Variants in CLNK observed in about 807,000 individuals in gnomAD.
The protein encoded by CLNK is cytokine-dependent hematopoietic cell linker.
In CLNK, 74 loss-of-function variants were observed where a neutral mutation model predicts 68.6. That is an observed-to-expected ratio of 1.08 (90% CI 0.89 to 1.31). CLNK has a LOEUF of 1.31. Among genes scored for constraint, CLNK ranks in the 50% most tolerant of loss-of-function variants. The pLI, the probability that CLNK is intolerant of heterozygous loss-of-function variation, is 0.00. For synonymous variants in CLNK, 198 were observed against 172.2 expected, an observed-to-expected ratio of 1.15 and a Z score of -1.17; for missense variants, 553 against 515.3, an observed-to-expected ratio of 1.07 and a Z score of -0.71.
At chr4:10,730,371 C>T in the CLNK span, among the ~76,000 whole-genome samples, 2 of 152,174 alleles carry the variant, frequency 1.3e-5, no homozygotes, top group East Asian at 1.9e-4. Context: ...ATTGTCAAGT[C>T]GTACTGATTG....
In CLNK at chr4:10,501,297, T is replaced by G; in HGVS notation, c.1099A>C (p.Asn367His). Residue 367 changes from asparagine (N) to histidine (H), a missense_variant, in exon 18 of 19, where the codon AAT becomes CAT. Asn to His is a moderately conservative substitution (Grantham distance 68). Coordinates refer to ENST00000226951, the MANE Select transcript of CLNK (RefSeq NM_052964.4). Reference sequence around the variant, plus strand: ...CCTGTCCCCAGGGCAAACTGCTGATTCCTCTCCAGGAAGCGTATTTTTACA... The same window carrying G: ...CCTGTCCCCAGGGCAAACTGCTGATGCCTCTCCAGGAAGCGTATTTTTACA... ...YNVKIRFLER[N>H]QQFALGTGLR... 1 of 1,605,412 alleles carries G rather than the reference T, an allele frequency of 6.2e-7. No individual in the cohort carries two copies. The highest frequency in any genetic ancestry group is 1.1e-5 in the South Asian group (1 of 89,270).
chr4:10,717,616 G>A, the CLNK span, among the ~76,000 whole-genome samples: 2 of 152,174 alleles, frequency 1.3e-5, no homozygotes, highest in African/African-American at 2.4e-5. Flanking sequence ...AAAGCTGTAT[G>A]AGGCACTCCC....
intron 16 of CLNK, among the ~76,000 whole-genome samples, chr4:10,510,229 G>A (rs1450842110): frequency 6.6e-6 from 1 of 152,174 alleles, no homozygotes; most frequent in African/African-American, 2.4e-5. Context: ...ATCACTTGCG[G>A]GGGGAGGGGG....
At chr4:10,656,040 C>T (rs962620167) in intron 2 of CLNK, among the ~76,000 whole-genome samples, 9 of 152,028 alleles carry the variant, frequency 5.9e-5, no homozygotes, top group Non-Finnish European at 1.0e-4. Context: ...CTCCTCCACA[C>T]TATACACAAA....
intron 3 of CLNK, among the ~76,000 whole-genome samples, chr4:10,592,109 T>C (rs746751783): frequency 8.1e-4 from 124 of 152,226 alleles, no homozygotes; most frequent in Non-Finnish European, 1.5e-3. Context: ...CTTACTCGAA[T>C]CATGCATTTA....
At chr4:10,687,431 G>A (rs751931469), upstream of CLNK, among the ~76,000 whole-genome samples, 2 of 151,966 alleles carry the variant, frequency 1.3e-5, no homozygotes, top group Non-Finnish European at 2.9e-5. Context: ...GAAATTTGCT[G>A]GAGCAGAAAT....
rs756199400 is a variant in CLNK, at chr4:10,541,983, T to C, written c.491+39A>G. The stretch of plus-strand genomic sequence containing the variant: ...TCAGATGCTGGCACAAATTATTTCA[T>C]TGTATAGCGAAAAAAAATGCTATTT... On this transcript the variant is annotated intron_variant, in intron 10 of 18. Coordinates refer to ENST00000226951, the MANE Select transcript of CLNK (RefSeq NM_052964.4). 5 of 1,449,334 alleles carry C rather than the reference T, an allele frequency of 3.4e-6. No individual in the cohort carries two copies. The African/African-American group carries it at 4.5e-5, about 13-fold the overall frequency. 89.8% of individuals were successfully genotyped at this position (1,449,334 alleles called of 1,614,324 possible).
At chr4:10,572,177 C>T (rs1172946399) in intron 4 of CLNK, among the ~76,000 whole-genome samples, 1 of 152,242 alleles carries the variant, frequency 6.6e-6, no homozygotes, top group East Asian at 1.9e-4. Flanking sequence ...CCCCACAAGG[C>T]ACAGCATGTT....
At chr4:10,511,760 A>G (rs1717593003) in intron 16 of CLNK, among the ~76,000 whole-genome samples, 3 of 152,158 alleles carry the variant, frequency 2.0e-5, no homozygotes, top group Admixed American at 2.0e-4. Flanking sequence ...TTATCCATTC[A>G]TCTGTCAATG....
In CLNK at chr4:10,636,858, A is replaced by T. The variant is rs541783630; in HGVS notation, c.11+31001T>A. Reference sequence around the variant, plus strand: ...AAAGCTTTTGTAGGGGAGGTCTTTTAAGTCTTCCCAGTTCTTCAGAGTAGA... The same window carrying T: ...AAAGCTTTTGTAGGGGAGGTCTTTTTAGTCTTCCCAGTTCTTCAGAGTAGA... On this transcript the variant is annotated intron_variant, in intron 2 of 18. Transcript: ENST00000226951. Among the ~76,000 whole-genome samples, 3 of 152,286 alleles carry T rather than the reference A, an allele frequency of 2.0e-5. No individual in the cohort carries two copies. In the South Asian group the frequency reaches 6.2e-4, roughly 32 times the overall value.
chr4:10,493,873 C>A (rs533723824), intron 18 of CLNK, among the ~76,000 whole-genome samples: 1 of 152,270 alleles, frequency 6.6e-6, no homozygotes, highest in East Asian at 1.9e-4. Flanking sequence ...ATTCTATGAA[C>A]AGTGATGGTA....
At chr4:10,590,074 A>T (rs964373979) in intron 3 of CLNK, among the ~76,000 whole-genome samples, 3 of 152,184 alleles carry the variant, frequency 2.0e-5, no homozygotes, top group Non-Finnish European at 4.4e-5. Flanking sequence ...TTTCCGGTGT[A>T]TATAAGCCGG....
intron 16 of CLNK, among the ~76,000 whole-genome samples, chr4:10,512,965 T>C (rs191766654): frequency 6.0e-4 from 92 of 152,262 alleles, no homozygotes; most frequent in African/African-American, 2.1e-3. Flanking sequence ...TTAGTATCCA[T>C]TTGCATCTCC....
chr4:10,579,143 G>C (rs913612249), intron 4 of CLNK, among the ~76,000 whole-genome samples: 3 of 152,170 alleles, frequency 2.0e-5, no homozygotes, highest in African/African-American at 7.2e-5. Flanking sequence ...AGTATTTGGG[G>C]AAAGAGGGCG....
At chr4:10,562,819 C>T (rs1560217630) in intron 7 of CLNK, among the ~76,000 whole-genome samples, 1 of 152,164 alleles carries the variant, frequency 6.6e-6, no homozygotes, top group African/African-American at 2.4e-5. Context: ...AGTACACTTG[C>T]TTATCTATTG....
intron 4 of CLNK, among the ~76,000 whole-genome samples, chr4:10,580,000 A>G (rs1720716616): frequency 6.6e-6 from 1 of 152,076 alleles, no homozygotes; most frequent in Non-Finnish European, 1.5e-5. Context: ...GTCTTTGTTC[A>G]AATCCCCCTC....
chr4:10,730,668 C>A, the CLNK span, among the ~76,000 whole-genome samples: 1 of 152,232 alleles, frequency 6.6e-6, no homozygotes, highest in South Asian at 2.1e-4. Context: ...AAAACCCAAC[C>A]GATCAAAATC....
intron 8 of CLNK, among the ~76,000 whole-genome samples, chr4:10,550,356 G>A (rs578258134): frequency 7.2e-5 from 11 of 152,166 alleles, no homozygotes; most frequent in Middle Eastern, 3.4e-3. Context: ...TTAGCCGGGC[G>A]TGGTGGCGGG....
intron 17 of CLNK, among the ~76,000 whole-genome samples, chr4:10,503,193 G>A (rs867338593): frequency 1.3e-5 from 2 of 152,178 alleles, no homozygotes; most frequent in Non-Finnish European, 1.5e-5. Flanking sequence ...CGGGTGTGGT[G>A]CCTGACACCT....
Sources: gnomAD v4.1 joint callset for allele counts (sites outside exome capture counted in the v4.1 genomes callset) on GRCh38, gnomAD v4.1.1 for gene constraint, MANE v1.5 for transcripts, NCBI Gene and HGNC (gene_info 2026-07-23, HGNC 2026-07-21) for gene names.